The following MNAT1 variants were observed in gnomAD, a reference collection of about 807,000 sequenced individuals.
The protein encoded by MNAT1 is MNAT1 component of CDK activating kinase.
In MNAT1, 43 loss-of-function variants were observed where a neutral mutation model predicts 42.0. That is an observed-to-expected ratio of 1.02 (90% CI 0.80 to 1.32). The LOEUF (loss-of-function observed/expected upper bound fraction) is 1.32. MNAT1 is among the 40% of genes most tolerant of loss of function. The pLI is 0.00. For synonymous variants in MNAT1, 118 were observed against 120.0 expected, an observed-to-expected ratio of 0.98 and a Z score of 0.11; for missense variants, 306 against 350.4, an observed-to-expected ratio of 0.87 and a Z score of 1.01.
chr14:60,912,557 A>T (rs918148203), intron 7 of MNAT1, among the ~76,000 whole-genome samples: 6 of 151,918 alleles, frequency 3.9e-5, no homozygotes, highest in African/African-American at 1.4e-4. Flanking sequence ...TCTATAAAGG[A>T]TTTTATTTCT....
At chr14:60,851,746 C>T (rs2033826337) in intron 6 of MNAT1, among the ~76,000 whole-genome samples, 1 of 152,128 alleles carries the variant, frequency 6.6e-6, no homozygotes, top group Admixed American at 6.5e-5. Flanking sequence ...GTTCCCCTCC[C>T]TGTGTCCATG....
chr14:60,751,880 T>C (rs1211225766), intron 1 of MNAT1, among the ~76,000 whole-genome samples: 1 of 152,094 alleles, frequency 6.6e-6, no homozygotes, highest in East Asian at 1.9e-4. Flanking sequence ...CCTCCATCAA[T>C]ATGGTGCAGT....
intron 7 of MNAT1, among the ~76,000 whole-genome samples, chr14:60,888,610 G>A (rs1163603951): frequency 2.0e-5 from 3 of 150,926 alleles, no homozygotes; most frequent in Non-Finnish European, 4.4e-5. Flanking sequence ...CAATCAGGCA[G>A]GAGAAGGAAA....
intron 1 of MNAT1, among the ~76,000 whole-genome samples, chr14:60,750,389 G>A (rs756347261): frequency 6.6e-6 from 1 of 151,746 alleles, no homozygotes; most frequent in East Asian, 1.9e-4. Flanking sequence ...ACCACGCCCG[G>A]CCAATCTTTT....
Position 60,818,867 on chromosome 14 carries a change from C to T in MNAT1, c.687+20C>T. Reference sequence around the variant, plus strand: ...AAAATGGTAAGCCTTATTTTAATTGCTTGTTTGAAAGATATTTTTTCAAGG... The same window carrying T: ...AAAATGGTAAGCCTTATTTTAATTGTTTGTTTGAAAGATATTTTTTCAAGG... On this transcript the variant is annotated intron_variant, in intron 6 of 7. Coordinates refer to ENST00000261245, the MANE Select transcript of MNAT1 (RefSeq NM_002431.4). 1.9e-6 allele frequency: 3 copies of T among 1,602,630 alleles called. No individual in the cohort carries two copies. The highest frequency in any genetic ancestry group is 1.7e-6 in the Non-Finnish European group (2 of 1,175,402).
At chr14:60,861,515 GGTTTTTTTCACCATTAAAAAAAATCA>G (rs2139434450) in intron 6 of MNAT1, among the ~76,000 whole-genome samples, 1 of 151,560 alleles carries the variant, frequency 6.6e-6, no homozygotes, top group South Asian at 2.1e-4. Context: ...CATGTCATTA[GGTTTTTTTCACCATTAAAAAAAATCA>G]GTTTAATATT....
intron 6 of MNAT1, among the ~76,000 whole-genome samples, chr14:60,848,536 C>G (rs2033736340): frequency 6.6e-6 from 1 of 152,038 alleles, no homozygotes; most frequent in African/African-American, 2.4e-5. Flanking sequence ...CCATGTAATT[C>G]AATAATACCT....
At chr14:60,886,332 T>C (rs1260140711) in intron 7 of MNAT1, among the ~76,000 whole-genome samples, 2 of 152,050 alleles carry the variant, frequency 1.3e-5, no homozygotes, top group African/African-American at 4.8e-5. Context: ...ATACTGCTTT[T>C]GGTAGTATGG....
chr14:60,835,365 G>A (rs1437048651), intron 6 of MNAT1, among the ~76,000 whole-genome samples: 1 of 152,104 alleles, frequency 6.6e-6, no homozygotes, highest in Non-Finnish European at 1.5e-5. Flanking sequence ...AATTTGCCTT[G>A]TTTTTGCCTG....
At chr14:60,836,633 G>A (rs935248337) in intron 6 of MNAT1, among the ~76,000 whole-genome samples, 2 of 152,160 alleles carry the variant, frequency 1.3e-5, no homozygotes, top group Non-Finnish European at 2.9e-5. Context: ...AGGGGCACTG[G>A]CTAGATGCCA....
chr14:60,910,863 C>G (rs908912847), intron 7 of MNAT1, among the ~76,000 whole-genome samples: 25 of 152,186 alleles, frequency 1.6e-4, no homozygotes, highest in African/African-American at 5.6e-4. Flanking sequence ...AGGATTCCCT[C>G]TTTTTCTATT....
At chr14:60,854,535 A>G (rs1172935775) in intron 6 of MNAT1, among the ~76,000 whole-genome samples, 5 of 152,080 alleles carry the variant, frequency 3.3e-5, no homozygotes, top group African/African-American at 1.2e-4. Flanking sequence ...TCTATTTGTT[A>G]GTGCTTCTAA....
At chr14:60,914,133 G>A (rs1249009659) in intron 7 of MNAT1, among the ~76,000 whole-genome samples, 1 of 152,222 alleles carries the variant, frequency 6.6e-6, no homozygotes, top group Non-Finnish European at 1.5e-5. Flanking sequence ...CCTGGTGCAG[G>A]ATATAATCTC....
At chr14:60,927,911 A>T (rs2035798960) in intron 7 of MNAT1, among the ~76,000 whole-genome samples, 1 of 152,178 alleles carries the variant, frequency 6.6e-6, no homozygotes, top group Non-Finnish European at 1.5e-5. Flanking sequence ...AAGGAAAAAA[A>T]TGTTTTCCTG....
chr14:60,895,461 A>G (rs1271096235), intron 7 of MNAT1, among the ~76,000 whole-genome samples: 1 of 152,198 alleles, frequency 6.6e-6, no homozygotes, highest in African/African-American at 2.4e-5. Context: ...CGTTGCTAGA[A>G]GATTACATCT....
intron 5 of MNAT1, among the ~76,000 whole-genome samples, chr14:60,818,384 G>C (rs2032779684): frequency 6.6e-6 from 1 of 151,994 alleles, no homozygotes; most frequent in African/African-American, 2.4e-5. Context: ...ATGCGTCTTA[G>C]ATAAACATCT....
chr14:60,840,311 G>A (rs1321809686), intron 6 of MNAT1, among the ~76,000 whole-genome samples: 1 of 152,206 alleles, frequency 6.6e-6, no homozygotes, highest in Non-Finnish European at 1.5e-5. Context: ...ATCAGACTCT[G>A]ATGTAGGTTT....
chr14:60,907,196 C>A (rs550994121), intron 7 of MNAT1, among the ~76,000 whole-genome samples: 27 of 152,050 alleles, frequency 1.8e-4, no homozygotes, highest in Admixed American at 7.9e-4. Flanking sequence ...AATCCCAACA[C>A]CCTCGAGGCA....
chr14:60,771,127 T>C (rs1297316516), intron 1 of MNAT1, among the ~76,000 whole-genome samples: 4 of 152,218 alleles, frequency 2.6e-5, no homozygotes, highest in African/African-American at 9.6e-5. Flanking sequence ...CGTTTTGTTC[T>C]TTAAAGAGGT....
Sources: allele counts gnomAD v4.1 joint callset (sites outside exome capture counted in the v4.1 genomes callset), GRCh38; gene constraint gnomAD v4.1.1; transcripts MANE v1.5; gene names NCBI Gene and HGNC (gene_info 2026-07-23, HGNC 2026-07-21).